The following USP28 variants were observed in gnomAD, a reference collection of about 807,000 sequenced individuals.
USP28 encodes the protein ubiquitin specific peptidase 28, also known as ubiquitin carboxyl-terminal hydrolase 28.
USP28 carries 113 observed loss-of-function variants against 145.0 expected under a neutral mutation model. That is an observed-to-expected ratio of 0.78 (90% CI 0.67 to 0.91). The LOEUF is 0.91. Among genes scored for constraint, USP28 ranks in the 40% least tolerant of loss-of-function variants. The pLI is 0.00. For synonymous variants in USP28, 447 were observed against 450.9 expected (o/e 0.99, Z 0.11); for missense variants, 1,201 against 1,289.6 (o/e 0.93, Z 1.05).
At chr11:113,867,168 A>C (rs535200188) in intron 1 of USP28, among the ~76,000 whole-genome samples, 1 of 152,342 alleles carries the variant, frequency 6.6e-6, no homozygotes, top group Admixed American at 6.5e-5. Flanking sequence ...TAATGGTTAC[A>C]AAGTTTTCTT....
chr11:113,799,063 T>C (rs1938447076), exon 25 of USP28: 2 of 638,226 alleles, frequency 3.1e-6, no homozygotes, highest in African/African-American at 3.7e-5. Flanking sequence ...TATGATTTTG[T>C]ACCTAAAAAG....
chr11:113,831,558 T>C (rs1020569813), intron 8 of USP28, among the ~76,000 whole-genome samples: 1 of 152,224 alleles, frequency 6.6e-6, no homozygotes, highest in Admixed American at 6.5e-5. Context: ...ACATTCTTAG[T>C]AGACCTCAAA....
chr11:113,806,480 CAG>C lies in USP28; in HGVS notation c.2400+7_2400+8del. The C allele has an allele frequency of 1.9e-6, 3 of 1,606,574 alleles. No individual in the cohort carries two copies. The highest frequency in any genetic ancestry group is 2.6e-6 in the Non-Finnish European group (3 of 1,174,360). ...ATTGTAAGAATTAGAATTTTAAAAACAGAGATACCTTAATCAGCCCTGCTTCA... is the reference window on the plus strand; with the variant it reads ...ATTGTAAGAATTAGAATTTTAAAAACAGATACCTTAATCAGCCCTGCTTCA... On this transcript the variant is annotated splice_region_variant and intron_variant, in intron 19 of 24. Transcript: ENST00000003302.
chr11:113,875,001 G>A (rs1949228671), intron 1 of USP28: 1 of 826,764 alleles, frequency 1.2e-6, no homozygotes, highest in African/African-American at 1.9e-5. Flanking sequence ...GATTAATTCC[G>A]GACTTTAAGT....
chr11:113,841,342 C>T (rs1211164687), intron 4 of USP28, among the ~76,000 whole-genome samples: 3 of 152,172 alleles, frequency 2.0e-5, no homozygotes, highest in Non-Finnish European at 4.4e-5. Context: ...AACTATGCAG[C>T]AGCATAACCC....
At chr11:113,840,448 G>T in intron 5 of USP28, 150 bp downstream of exon 5, 1 of 979,764 alleles carries the variant, frequency 1.0e-6, no homozygotes, top group Non-Finnish European at 1.5e-6. Context: ...AGACATCAAA[G>T]CATCTAAATC....
chr11:113,865,979 C>T (rs1187858724), intron 1 of USP28, among the ~76,000 whole-genome samples: 2 of 152,138 alleles, frequency 1.3e-5, no homozygotes, highest in Non-Finnish European at 2.9e-5. Context: ...GAAATAAACA[C>T]ATACATCAAG....
chr11:113,804,450 G>A (rs543733445), intron 21 of USP28, among the ~76,000 whole-genome samples: 32 of 152,256 alleles, frequency 2.1e-4, no homozygotes, highest in Middle Eastern at 3.4e-3. Flanking sequence ...AGGTATTTAA[G>A]GGAAGTGAAA....
intron 1 of USP28, among the ~76,000 whole-genome samples, chr11:113,866,096 C>A (rs1948224010): frequency 6.6e-6 from 1 of 152,204 alleles, no homozygotes; most frequent in Non-Finnish European, 1.5e-5. Context: ...GAGTTCAAGA[C>A]CAGCCTGGCC....
At chr11:113,863,916 G>A (rs1242724493) in intron 1 of USP28, among the ~76,000 whole-genome samples, 1 of 149,852 alleles carries the variant, frequency 6.7e-6, no homozygotes, top group Non-Finnish European at 1.5e-5. Context: ...CTGCACTCCA[G>A]CCTGGGCGAC....
chr11:113,808,989 AGGG>A (rs961441786), intron 17 of USP28, 71 bp downstream of exon 17: 1 of 1,441,174 alleles, frequency 6.9e-7, no homozygotes, highest in African/African-American at 1.4e-5. Flanking sequence ...AGCCAGCTGA[AGGG>A]TATAGGGCTG....
At chr11:113,823,692 T>C in exon 12 of USP28, 2 of 1,604,734 alleles carry the variant, frequency 1.2e-6, no homozygotes, top group African/African-American at 1.3e-5. Context: ...CTTGCTCCTG[T>C]ACATGTACCT....
intron 1 of USP28, among the ~76,000 whole-genome samples, chr11:113,871,691 T>C (rs1948833992): frequency 6.6e-6 from 1 of 151,908 alleles, no homozygotes; most frequent in African/African-American, 2.4e-5. Context: ...TGAGATGGCG[T>C]AGGGAGAGGG....
chr11:113,863,267 T>C (rs1249274595), intron 1 of USP28, among the ~76,000 whole-genome samples: 1 of 152,000 alleles, frequency 6.6e-6, no homozygotes, highest in African/African-American at 2.4e-5. Flanking sequence ...TAAAAAAAAA[T>C]TACATTTACA....
At chr11:113,835,879 A>G (rs918125839) in intron 5 of USP28, among the ~76,000 whole-genome samples, 4 of 152,116 alleles carry the variant, frequency 2.6e-5, no homozygotes, top group Non-Finnish European at 5.9e-5. Flanking sequence ...TCAGGAGTTC[A>G]AGACCAGCCT....
chr11:113,823,526 G>A, intron 12 of USP28, 79 bp downstream of exon 12: 2 of 1,130,182 alleles, frequency 1.8e-6, no homozygotes, highest in Non-Finnish European at 2.5e-6. Flanking sequence ...TAAACGTTGA[G>A]TTAATTTTTA....
intron 1 of USP28, 110 bp from the exon 2 acceptor site, chr11:113,854,445 AGGCTGGAGTGCAGTG>A (rs1276242176): frequency 2.0e-6 from 2 of 1,012,350 alleles, no homozygotes; most frequent in Non-Finnish European, 2.9e-6. Context: ...AGGCTTGCCC[AGGCTGGAGTGCAGTG>A]GCCGGATCTC....
chr11:113,869,340 A>G (rs762415743), intron 1 of USP28, among the ~76,000 whole-genome samples: 1 of 152,188 alleles, frequency 6.6e-6, no homozygotes, highest in African/African-American at 2.4e-5. Context: ...GAGGCAGAAG[A>G]ATCAATAGAA....
chr11:113,814,879 T>G (rs1941484028), intron 14 of USP28, among the ~76,000 whole-genome samples: 1 of 137,760 alleles, frequency 7.3e-6, no homozygotes, highest in Admixed American at 7.6e-5. Context: ...TGAAACCCCA[T>G]CTCTACTAAA....
Sources: gnomAD v4.1 joint callset for allele counts (sites outside exome capture counted in the v4.1 genomes callset) on GRCh38, gnomAD v4.1.1 for gene constraint, MANE v1.5 for transcripts, NCBI Gene and HGNC (gene_info 2026-07-23, HGNC 2026-07-21) for gene names.